The following IPO7 variants were observed in gnomAD, a reference collection of about 807,000 sequenced individuals.
The protein encoded by IPO7 is importin 7.
IPO7 carries 13 observed loss-of-function variants against 136.4 expected under a neutral mutation model. The ratio of observed to expected loss-of-function variants is 0.10; its 90% CI spans 0.06 to 0.15. IPO7 has a LOEUF of 0.15. Among genes scored for constraint, IPO7 ranks in the 10% least tolerant of loss-of-function variants. The probability of loss-of-function intolerance (pLI) is 1.00; values close to 1 mark genes in which losing one functional copy is unlikely to be tolerated. For synonymous variants in IPO7, 403 were observed against 404.4 expected, an observed-to-expected ratio of 1.00 and a Z score of 0.04; for missense variants, 857 against 1,240.6, an observed-to-expected ratio of 0.69 and a Z score of 4.65.
chr11:9,434,892 G>A (rs1234306509), intron 18 of IPO7, 42 bp from the exon 19 acceptor site: 7 of 1,267,482 alleles, frequency 5.5e-6, no homozygotes, highest in Non-Finnish European at 8.0e-6. Flanking sequence ...GAAAGCATTT[G>A]TGTTACTAAA....
At chr11:9,410,728 T>G (rs1296936686) in intron 4 of IPO7, among the ~76,000 whole-genome samples, 1 of 152,238 alleles carries the variant, frequency 6.6e-6, no homozygotes, top group Non-Finnish European at 1.5e-5. Flanking sequence ...GGTATAGCAC[T>G]GAGAGTGGTA....
In IPO7 at chr11:9,425,071, G is replaced by A. The variant is rs76877362; in HGVS notation, c.1219-75G>A. ...TATACACTTTTTAAATGTTAGTCAT[G>A]TGAGTCATTTTGTTAGTATGTTTTT... On this transcript the variant is annotated intron_variant, in intron 11 of 24. Transcript: ENST00000379719. The A allele has an allele frequency of 1.1e-3, 1,401 of 1,297,532 alleles. 16 individuals carry two copies. In the African/African-American group the frequency reaches 0.018, roughly 16 times the overall value. 80.4% of individuals were successfully genotyped at this position (1,297,532 alleles called of 1,614,324 possible).
At chr11:9,419,066 G>T (rs146616291) in intron 6 of IPO7, among the ~76,000 whole-genome samples, 1 of 152,048 alleles carries the variant, frequency 6.6e-6, no homozygotes, top group South Asian at 2.1e-4. Context: ...ACATTCTTAC[G>T]TGTCTTTTTG....
At chr11:9,420,546 A>G (rs1395481880) in intron 7 of IPO7, 41 bp downstream of exon 7, 11 of 1,570,264 alleles carry the variant, frequency 7.0e-6, no homozygotes, top group African/African-American at 1.4e-5. Context: ...TAATTTATTA[A>G]GGTTTTGCTT....
At chr11:9,408,948 G>A (rs895942729) in intron 3 of IPO7, among the ~76,000 whole-genome samples, 2 of 151,620 alleles carry the variant, frequency 1.3e-5, no homozygotes, top group Non-Finnish European at 2.9e-5. Context: ...TCCTGACCTC[G>A]TGATCCAACT....
chr11:9,438,258 G>C lies in IPO7; in HGVS notation c.2668G>C (p.Asp890His), dbSNP rs1260224735. 4.4e-6 allele frequency: 7 copies of C among 1,581,112 alleles called. No individual in the cohort carries two copies. In the African/African-American group the frequency reaches 5.4e-5, roughly 12 times the overall value. Residue 890 changes from aspartate (D) to histidine (H), a missense_variant, in exon 22 of 25, where the codon GAT becomes CAT. Asp to His is a moderately conservative substitution (Grantham distance 81, BLOSUM62 -1). Transcript: ENST00000379719. ...ACATGAGAATGACAGTGATGATGAT[G>C]ATGAAGCTGAAGATGATGATGAAAC... Reference protein sequence around the residue: ...AEHENDSDDDDEAEDDDETEE... With the variant: ...AEHENDSDDDHEAEDDDETEE...
In IPO7 at chr11:9,447,638, C is replaced by T. The variant is rs1313151647; in HGVS notation, c.*2444C>T. On this transcript the variant is annotated 3_prime_UTR_variant, in exon 25 of 25. Transcript: ENST00000379719. The stretch of plus-strand genomic sequence containing the variant: ...TACAGCTTTTCCTACAGTTTTATTA[C>T]CCTGTAATTTTTTTTTAGTTGTAGA... 2 of 151,900 alleles carry T rather than the reference C, an allele frequency of 1.3e-5. No individual in the cohort carries two copies. The highest frequency in any genetic ancestry group is 2.9e-5 in the Non-Finnish European group (2 of 67,980). The allele number at this position is 151,900 out of a possible 1,614,324, so 9.4% of individuals were successfully genotyped here. A position where few individuals can be genotyped will look rare whatever the true frequency, so the allele number is the denominator to read the frequency against.
intron 1 of IPO7, among the ~76,000 whole-genome samples, chr11:9,391,789 A>G (rs1320565254): frequency 6.6e-6 from 1 of 152,170 alleles, no homozygotes. Context: ...TTTTTGAGAC[A>G]GGGTTTCACA....
At chr11:9,431,535 C>T (rs554051086) in intron 16 of IPO7, among the ~76,000 whole-genome samples, 1 of 151,552 alleles carries the variant, frequency 6.6e-6, no homozygotes, top group South Asian at 2.1e-4. Flanking sequence ...TGCACCTGAC[C>T]CTGAAATTGT....
At chr11:9,416,347 TTTG>T (rs1358275607) in intron 5 of IPO7, among the ~76,000 whole-genome samples, 1 of 152,230 alleles carries the variant, frequency 6.6e-6, no homozygotes, top group Non-Finnish European at 1.5e-5. Flanking sequence ...AGGTTATTCT[TTTG>T]TTAAGTAATT....
Position 9,437,821 on chromosome 11 carries a change from G to A in IPO7, c.2336G>A (p.Arg779Gln), listed in dbSNP as rs575323067. Residue 779 changes from arginine (R) to glutamine (Q), a missense_variant, in exon 21 of 25, where the codon CGA (arginine) becomes CAA (glutamine). Arg to Gln is a conservative substitution (Grantham distance 43). Around this residue, in one of 11 missense-constraint regions of IPO7, gnomAD observed 190 missense variants for 249.0 expected, o/e 0.76. Transcript: ENST00000379719. ...LTREVKTSEL[R>Q]TMCLQVAIAA... ...AGAGAGGTTAAGACAAGTGAACTTC[G>A]AACTATGTGTCTGCAAGTTGCAATT... The A allele has an allele frequency of 4.6e-5, 74 of 1,613,870 alleles. No homozygotes were observed. The highest frequency in any genetic ancestry group is 6.7e-5 in the East Asian group (3 of 44,880).
rs1426032786 is a variant in IPO7 at position 9,437,954 on chromosome 11, T to A, written c.2469T>A (p.Asn823Lys). ...ATCATTTTATTACACAGTGGCTTAATGATGTTGACTGTTTCTTGGGGTAAG... is the reference window on the plus strand; with the variant it reads ...ATCATTTTATTACACAGTGGCTTAAAGATGTTGACTGTTTCTTGGGGTAAG... ...VTNHFITQWL[N>K]DVDCFLGLHD... Residue 823 changes from asparagine to lysine, a missense_variant, in exon 21 of 25, where the codon AAT (asparagine) becomes AAA (lysine). Around this residue, in one of 11 missense-constraint regions of IPO7, gnomAD observed 190 missense variants for 249.0 expected, o/e 0.76. Transcript: ENST00000379719. The A allele has an allele frequency of 6.2e-7, 1 of 1,613,158 alleles. No homozygotes were observed. Among genetic ancestry groups the A allele is most frequent in the East Asian group, 2.2e-5 (1 of 44,870 alleles).
At chr11:9,417,976 G>A (rs1490736545) in intron 6 of IPO7, among the ~76,000 whole-genome samples, 1 of 151,938 alleles carries the variant, frequency 6.6e-6, no homozygotes, top group Admixed American at 6.6e-5. Context: ...GCCTCCCAAA[G>A]TGCTGGGATT....
intron 6 of IPO7, among the ~76,000 whole-genome samples, chr11:9,418,347 G>A (rs185333408): frequency 3.9e-3 from 589 of 152,220 alleles, no homozygotes; most frequent in African/African-American, 0.014. Context: ...GGGATTACAG[G>A]TGTGAGCCAC....
intron 8 of IPO7, among the ~76,000 whole-genome samples, chr11:9,421,173 C>G (rs1011253036): frequency 6.6e-6 from 1 of 151,172 alleles, no homozygotes; most frequent in African/African-American, 2.4e-5. Flanking sequence ...GTTGGTCAGG[C>G]TGGTCTTGAA....
At position 9,434,888 on chromosome 11, in the gene IPO7, A is replaced by G. The variant is rs776429530; in HGVS notation, c.2075-46A>G. 7.2e-6 allele frequency: 9 copies of G among 1,248,904 alleles called. No individual in the cohort carries two copies. In the South Asian group the frequency reaches 9.8e-5, roughly 14 times the overall value. The allele number at this position is 1,248,904 out of a possible 1,614,324, so 77.4% of individuals were successfully genotyped here. Reference sequence around the variant, plus strand: ...GAAATTTTTCAAAAGCAAAGAAAGCATTTGTGTTACTAAAGATGTGTAACC... The same window carrying G: ...GAAATTTTTCAAAAGCAAAGAAAGCGTTTGTGTTACTAAAGATGTGTAACC... On this transcript the variant is annotated intron_variant, in intron 18 of 24. Coordinates refer to ENST00000379719, the MANE Select transcript of IPO7 (RefSeq NM_006391.3).
chr11:9,390,309 A>C (rs1854611313), intron 1 of IPO7, among the ~76,000 whole-genome samples: 2 of 147,688 alleles, frequency 1.4e-5, no homozygotes, highest in South Asian at 2.1e-4. Flanking sequence ...TTTTTTTTTT[A>C]ACTCACACTA....
At position 9,409,912 on chromosome 11, in the gene IPO7, T is replaced by A; in HGVS notation, c.321-16T>A. On this transcript the variant is annotated splice_polypyrimidine_tract_variant and intron_variant, in intron 3 of 24. Transcript: ENST00000379719. ...TAGTTAGGATTTTTTCCTTACTGTT[T>A]TTTTTTGGCTTCCAGGGTACAGCTT... 1.0e-5 allele frequency: 15 copies of A among 1,501,764 alleles called. No individual in the cohort carries two copies. The highest frequency in any genetic ancestry group is 1.3e-5 in the Non-Finnish European group (15 of 1,124,126). The allele number at this position is 1,501,764 out of a possible 1,614,324, so 93.0% of individuals were successfully genotyped here.
chr11:9,388,506 T>A (rs1244143286), intron 1 of IPO7, among the ~76,000 whole-genome samples: 2 of 147,162 alleles, frequency 1.4e-5, no homozygotes, highest in East Asian at 4.1e-4. Context: ...TGAGACAGGG[T>A]CTTGCTCCAT....
Sources: allele counts gnomAD v4.1 joint callset (sites outside exome capture counted in the v4.1 genomes callset), GRCh38; gene constraint gnomAD v4.1.1; regional missense constraint gnomAD v4.1.1; transcripts MANE v1.5; gene names NCBI Gene and HGNC (gene_info 2026-07-23, HGNC 2026-07-21).